GRIK2: variants seen among roughly 807,000 people sequenced by gnomAD.
The protein encoded by GRIK2 is glutamate receptor ionotropic, kainate 2.
In GRIK2, 32 loss-of-function variants were observed where a neutral mutation model predicts 100.3. That is an observed-to-expected ratio of 0.32 (90% CI 0.24 to 0.43). The LOEUF is 0.43. Ranked by LOEUF, GRIK2 falls within the 20% of genes least tolerant of loss-of-function variation. The pLI, the probability that GRIK2 is intolerant of heterozygous loss-of-function variation, is 1.00. For missense variants in GRIK2, 843 were observed against 1,114.9 expected, an observed-to-expected ratio of 0.76 and a Z score of 3.47; for synonymous variants, 417 against 389.4, an observed-to-expected ratio of 1.07 and a Z score of -0.83.
chr6:101,898,475 T>G (rs897288114), intron 12 of GRIK2, among the ~76,000 whole-genome samples: 4 of 151,008 alleles, frequency 2.6e-5, no homozygotes, highest in Non-Finnish European at 5.9e-5. Context: ...AGATAATTCC[T>G]TGAAAAAAAA....
At chr6:101,555,961 A>G (rs1256862907) in intron 2 of GRIK2, among the ~76,000 whole-genome samples, 1 of 152,092 alleles carries the variant, frequency 6.6e-6, no homozygotes, top group Non-Finnish European at 1.5e-5. Flanking sequence ...AAAGAAGACA[A>G]TAAGACCAAT....
chr6:102,000,659 T>G (rs1381852626), intron 14 of GRIK2, among the ~76,000 whole-genome samples: 1 of 152,142 alleles, frequency 6.6e-6, no homozygotes, highest in East Asian at 1.9e-4. Context: ...CTGTTGAACT[T>G]ATTGGTTTAA....
At position 101,872,354 on chromosome 6, in the gene GRIK2, A is replaced by G. The variant is rs1453908604; in HGVS notation, c.1524+12861A>G. ...GAGGCATCAGGAGACTTACAATCCT[A>G]GTGGAGGGGAAGCAAACATGTCCTT... is the stretch of plus-strand genomic sequence containing the variant. On this transcript the variant is annotated intron_variant, in intron 11 of 16. Coordinates refer to ENST00000369134, the MANE Select transcript of GRIK2 (RefSeq NM_021956.5). Among the ~76,000 whole-genome samples, 5 of 151,886 alleles carry G rather than the reference A, an allele frequency of 3.3e-5. No individual in the cohort carries two copies. The Admixed American group carries it at 3.3e-4, about 10-fold the overall frequency.
intron 14 of GRIK2, among the ~76,000 whole-genome samples, chr6:102,021,845 G>A (rs541831150): frequency 6.6e-6 from 1 of 150,770 alleles, no homozygotes; most frequent in South Asian, 2.1e-4. Context: ...AATGAATTTT[G>A]AATTTTAAAA....
At chr6:101,584,637 T>C (rs1778265290) in intron 2 of GRIK2, among the ~76,000 whole-genome samples, 1 of 152,012 alleles carries the variant, frequency 6.6e-6, no homozygotes. Flanking sequence ...TACTAGCTCC[T>C]TCTGTACTGT....
At chr6:102,038,165 G>C (rs1770371729) in intron 15 of GRIK2, among the ~76,000 whole-genome samples, 1 of 151,382 alleles carries the variant, frequency 6.6e-6, no homozygotes, top group South Asian at 2.1e-4. Context: ...GATTCTCAGA[G>C]TTTCGTCTAA....
At chr6:101,404,118 T>C (rs749604841) in intron 2 of GRIK2, among the ~76,000 whole-genome samples, 1 of 152,196 alleles carries the variant, frequency 6.6e-6, no homozygotes, top group Admixed American at 6.5e-5. Flanking sequence ...GAAGCGAACA[T>C]GGTTTATACG....
At chr6:101,735,759 G>A (rs1181173886) in intron 7 of GRIK2, among the ~76,000 whole-genome samples, 2 of 152,026 alleles carry the variant, frequency 1.3e-5, no homozygotes, top group Admixed American at 6.6e-5. Flanking sequence ...TCCTCCCCAG[G>A]CCCCTCCTAA....
intron 12 of GRIK2, among the ~76,000 whole-genome samples, chr6:101,909,926 C>T (rs1458583693): frequency 6.6e-6 from 1 of 150,962 alleles, no homozygotes; most frequent in Non-Finnish European, 1.5e-5. Context: ...TAATGCAGCA[C>T]TATCAGAAAT....
At chr6:101,511,833 G>A (rs1444684283) in intron 2 of GRIK2, among the ~76,000 whole-genome samples, 2 of 151,900 alleles carry the variant, frequency 1.3e-5, no homozygotes, top group South Asian at 2.1e-4. Flanking sequence ...GATTAGTGTG[G>A]AATTTTTTAT....
At chr6:101,489,148 C>T (rs571365327) in intron 2 of GRIK2, among the ~76,000 whole-genome samples, 1 of 146,034 alleles carries the variant, frequency 6.8e-6, no homozygotes, top group South Asian at 2.1e-4. Context: ...ATGTCAAGTG[C>T]CAAAATGTCA....
chr6:101,479,623 CTT>C (rs1464208070), intron 2 of GRIK2, among the ~76,000 whole-genome samples: 2 of 152,020 alleles, frequency 1.3e-5, no homozygotes, highest in African/African-American at 2.4e-5. Context: ...AAGTTCAACT[CTT>C]TTCTTGCTTA....
chr6:101,985,401 G>A (rs1283054434), intron 14 of GRIK2, among the ~76,000 whole-genome samples: 1 of 151,712 alleles, frequency 6.6e-6, no homozygotes, highest in Non-Finnish European at 1.5e-5. Flanking sequence ...TCAATGTAGA[G>A]AAGTAGTTTC....
At chr6:101,598,005 T>C (rs1779006044) in intron 2 of GRIK2, among the ~76,000 whole-genome samples, 2 of 151,744 alleles carry the variant, frequency 1.3e-5, no homozygotes, top group Non-Finnish European at 2.9e-5. Context: ...TCCTTGATTA[T>C]CCCAAATACC....
intron 4 of GRIK2, among the ~76,000 whole-genome samples, chr6:101,659,864 T>G (rs1199952798): frequency 5.3e-5 from 8 of 152,300 alleles, no homozygotes; most frequent in Non-Finnish European, 1.2e-4. Flanking sequence ...GGCTTTCCTT[T>G]GTGGGTAACC....
chr6:101,534,365 A>C, intron 2 of GRIK2, among the ~76,000 whole-genome samples: 1 of 151,924 alleles, frequency 6.6e-6, no homozygotes, highest in South Asian at 2.1e-4. Context: ...TTGAGGAAGT[A>C]AATAACTTTT....
chr6:101,904,383 C>T (rs1489048892), intron 12 of GRIK2, among the ~76,000 whole-genome samples: 3 of 151,362 alleles, frequency 2.0e-5, no homozygotes, highest in Non-Finnish European at 4.4e-5. Flanking sequence ...AAAAAAATTA[C>T]TGAAACAACA....
At chr6:101,909,485 C>T (rs1214198180) in intron 12 of GRIK2, among the ~76,000 whole-genome samples, 1 of 145,828 alleles carries the variant, frequency 6.9e-6, no homozygotes, top group Admixed American at 7.1e-5. Flanking sequence ...GATAGTCAAG[C>T]TTGAGATGAA....
At chr6:101,933,703 A>T (rs2128473377) in intron 14 of GRIK2, among the ~76,000 whole-genome samples, 1 of 152,050 alleles carries the variant, frequency 6.6e-6, no homozygotes, top group Non-Finnish European at 1.5e-5. Context: ...AATGAATTTT[A>T]CATTTACTGA....
Sources: allele counts gnomAD v4.1 joint callset (sites outside exome capture counted in the v4.1 genomes callset), GRCh38; gene constraint gnomAD v4.1.1; transcripts MANE v1.5; gene names NCBI Gene and HGNC (gene_info 2026-07-23, HGNC 2026-07-21).